COL23A1: variants seen among roughly 807,000 people sequenced by gnomAD.
COL23A1 encodes collagen alpha-1(XXIII) chain.
In COL23A1, 97 loss-of-function variants were observed where a neutral mutation model predicts 99.3. That is an observed-to-expected ratio of 0.98 (90% CI 0.83 to 1.16). The LOEUF is 1.16. Ranked by LOEUF, COL23A1 falls within the 50% of genes most tolerant of loss-of-function variation. The pLI, the probability that COL23A1 is intolerant of heterozygous loss-of-function variation, is 0.00. For synonymous variants in COL23A1, 320 were observed against 308.2 expected (o/e 1.04, Z -0.40); for missense variants, 762 against 757.4 (o/e 1.01, Z -0.07).
chr5:178,380,191 G>A (rs908952667), intron 2 of COL23A1, among the ~76,000 whole-genome samples: 1 of 152,212 alleles, frequency 6.6e-6, no homozygotes, highest in Non-Finnish European at 1.5e-5. Flanking sequence ...ACAGCAGGGT[G>A]TGGAAAGTCA....
intron 2 of COL23A1, among the ~76,000 whole-genome samples, chr5:178,546,386 G>T (rs542741168): frequency 1.3e-5 from 2 of 152,180 alleles, no homozygotes; most frequent in Non-Finnish European, 1.5e-5. Context: ...AGAGGAGCTG[G>T]TTTCTGTTGC....
At chr5:178,272,838 A>G (rs1756369454) in intron 5 of COL23A1, among the ~76,000 whole-genome samples, 1 of 149,082 alleles carries the variant, frequency 6.7e-6, no homozygotes, top group Non-Finnish European at 1.5e-5. Context: ...GCCTGACCCC[A>G]CACACATGGC....
intron 2 of COL23A1, among the ~76,000 whole-genome samples, chr5:178,496,390 G>A (rs1758202161): frequency 1.3e-5 from 2 of 152,174 alleles, no homozygotes; most frequent in East Asian, 1.9e-4. Flanking sequence ...AGAAAGAAGG[G>A]CAGAGAAAGG....
chr5:178,262,098 G>GCA (rs1765657992), intron 10 of COL23A1, 119 bp downstream of exon 10: 1 of 1,089,662 alleles, frequency 9.2e-7, no homozygotes, highest in African/African-American at 1.6e-5. Context: ...GCAGAGGCGC[G>GCA]CGCACACACA....
rs570803192 is a variant in COL23A1, at chr5:178,321,480, C to CTTTTTTTTTT, written c.362-14571_362-14562dup. Among the ~76,000 whole-genome samples the CTTTTTTTTTT allele has an allele frequency of 5.5e-5, 6 of 109,026 alleles. 1 individual carries two copies. Among genetic ancestry groups the CTTTTTTTTTT allele is most frequent in the African/African-American group, 2.4e-4 (6 of 25,000 alleles). The allele number at this position is 109,026 out of a possible 152,430, so 71.5% of individuals were successfully genotyped here. On this transcript the variant is annotated intron_variant, in intron 2 of 28. Coordinates refer to ENST00000390654, the MANE Select transcript of COL23A1 (RefSeq NM_173465.4). The stretch of plus-strand genomic sequence containing the variant: ...ACCTGTGATGACGAGGTCACCTTCC[C>CTTTTTTTTTT]TTTTTTTTTTTTTTTTTTTTTTTTT...
intron 3 of COL23A1, among the ~76,000 whole-genome samples, chr5:178,293,842 T>C (rs140552323): frequency 6.6e-6 from 1 of 152,090 alleles, no homozygotes; most frequent in Non-Finnish European, 1.5e-5. Flanking sequence ...GCTGCATTTA[T>C]ATCGGGCAAG....
At chr5:178,257,622 C>T (rs1765380220) in intron 12 of COL23A1, 55 bp from the exon 13 acceptor site, 1 of 1,527,430 alleles carries the variant, frequency 6.5e-7, no homozygotes, top group Non-Finnish European at 8.9e-7. Context: ...GCCAGTGGGC[C>T]CCTCCCTCCT....
intron 8 of COL23A1, among the ~76,000 whole-genome samples, chr5:178,266,868 TC>T (rs1369514440): frequency 1.3e-5 from 2 of 152,174 alleles, no homozygotes; most frequent in Non-Finnish European, 2.9e-5. Flanking sequence ...TGGGGGCTGT[TC>T]CCCCATTCAC....
intron 2 of COL23A1, among the ~76,000 whole-genome samples, chr5:178,517,849 C>T (rs539733293): frequency 2.0e-5 from 3 of 147,790 alleles, no homozygotes; most frequent in East Asian, 2.0e-4. Context: ...CGTGAGCCGC[C>T]GTGCCTGGCC....
intron 2 of COL23A1, among the ~76,000 whole-genome samples, chr5:178,545,805 G>A (rs529026289): frequency 3.3e-5 from 5 of 152,146 alleles, no homozygotes; most frequent in Non-Finnish European, 4.4e-5. Flanking sequence ...GAGGTCCACA[G>A]GTCGATTCCC....
rs557079523 is a variant in COL23A1 at position 178,322,169 on chromosome 5, T to C, written c.362-15250A>G. On this transcript the variant is annotated intron_variant, in intron 2 of 28. Transcript: ENST00000390654. The stretch of plus-strand genomic sequence containing the variant: ...CAGCACGCCCAGTTAATTTTTTCTA[T>C]TTTTAGCAGAGACGGGATTTCACTG... Among the ~76,000 whole-genome samples the C allele has an allele frequency of 4.1e-4, 63 of 152,046 alleles. 1 individual carries two copies. Among genetic ancestry groups the C allele is most frequent in the African/African-American group, 1.4e-3 (59 of 41,494 alleles).
rs747745263 is a variant in COL23A1, at chr5:178,261,728, C to T, written c.696G>A (p.Gly232=). 1.2e-6 allele frequency: 2 copies of T among 1,609,554 alleles called. No homozygotes were observed. The highest frequency in any genetic ancestry group is 1.3e-5 in the African/African-American group (1 of 74,974). Residue 232 remains glycine (G), a synonymous_variant, in exon 11 of 29, where the codon GGG becomes GGA. Coordinates refer to ENST00000390654, the MANE Select transcript of COL23A1 (RefSeq NM_173465.4). The part of the protein sequence containing the change: ...DGEMGPKGPP[G]PKGEPGVPGK... The stretch of plus-strand genomic sequence containing the variant: ...GGGAATAAGGAGTACTCACCTTGGG[C>T]CCTGGGGGTCCCTTTGGGCCCTGGA...
At chr5:178,569,474 A>G (rs569644511) in intron 1 of COL23A1, among the ~76,000 whole-genome samples, 1 of 152,358 alleles carries the variant, frequency 6.6e-6, no homozygotes, top group East Asian at 1.9e-4. Context: ...ATCTTGCTAC[A>G]TTAAAAGTGG....
At chr5:178,359,019 C>A (rs1429112192) in intron 2 of COL23A1, among the ~76,000 whole-genome samples, 5 of 152,112 alleles carry the variant, frequency 3.3e-5, no homozygotes, top group Non-Finnish European at 7.3e-5. Flanking sequence ...TTCTGATTTG[C>A]TTTGGAAGAG....
At chr5:178,298,300 A>T (rs572085520) in intron 3 of COL23A1, among the ~76,000 whole-genome samples, 2 of 152,240 alleles carry the variant, frequency 1.3e-5, no homozygotes, top group East Asian at 3.9e-4. Context: ...CAGGTGGGCA[A>T]GCTGCTTGTT....
At chr5:178,320,795 A>G (rs17081075) in intron 2 of COL23A1, among the ~76,000 whole-genome samples, 53,581 of 152,176 alleles carry the variant, frequency 0.35, 9,808 homozygotes, top group African/African-American at 0.42. Context: ...TGTCAGCAGA[A>G]GGTGCCTCCC....
At chr5:178,324,176 T>C (rs1759507813) in intron 2 of COL23A1, among the ~76,000 whole-genome samples, 1 of 131,746 alleles carries the variant, frequency 7.6e-6, no homozygotes, top group Non-Finnish European at 1.8e-5. Context: ...CTCTGGAAGG[T>C]GCAGGGGGTG....
At chr5:178,425,926 G>A (rs973687682) in intron 2 of COL23A1, among the ~76,000 whole-genome samples, 2 of 152,196 alleles carry the variant, frequency 1.3e-5, no homozygotes, top group African/African-American at 4.8e-5. Context: ...AGCCGCTCCC[G>A]ATGGACTTGT....
chr5:178,562,736 T>TGGTGGTGGGGGGGG (rs1554197569), intron 1 of COL23A1: 2 of 106,826 alleles, frequency 1.9e-5, no homozygotes, highest in African/African-American at 9.8e-5. Flanking sequence ...TGGCTGGTGG[T>TGGTGGTGGGGGGGG]GGGGGGGGTG....
Sources: allele counts gnomAD v4.1 joint callset (sites outside exome capture counted in the v4.1 genomes callset), GRCh38; gene constraint gnomAD v4.1.1; transcripts MANE v1.5; gene names NCBI Gene and HGNC (gene_info 2026-07-23, HGNC 2026-07-21).